The following LIG1 variants were observed in gnomAD, a reference collection of about 807,000 sequenced individuals.
The protein encoded by LIG1 is ligase I, DNA, ATP-dependent.
LIG1 carries 70 observed loss-of-function variants against 115.7 expected under a neutral mutation model. That is an observed-to-expected ratio of 0.60 (90% CI 0.50 to 0.74). LIG1 has a LOEUF of 0.74. LIG1 is among the 30% of genes least tolerant of loss of function. The pLI is 0.00. For missense variants in LIG1, 1,115 were observed against 1,225.6 expected (o/e 0.91, Z 1.35); for synonymous variants, 487 against 495.3 (o/e 0.98, Z 0.22).
At chr19:48,120,557 G>T in intron 24 of LIG1, 1 of 985,026 alleles carries the variant, frequency 1.0e-6, no homozygotes, top group Non-Finnish European at 1.2e-6. Flanking sequence ...ACAGCTTTAA[G>T]AAAAACTTTA....
chr19:48,154,133 C>T, intron 5 of LIG1, 166 bp from the exon 6 acceptor site: 2 of 685,572 alleles, frequency 2.9e-6, no homozygotes, highest in South Asian at 3.0e-5. Flanking sequence ...TCAATCCCTC[C>T]TGCTTCCTGG....
At chr19:48,163,555 T>C (rs2036307127) in intron 2 of LIG1, among the ~76,000 whole-genome samples, 1 of 151,940 alleles carries the variant, frequency 6.6e-6, no homozygotes, top group African/African-American at 2.4e-5. Flanking sequence ...GTTCTGGGCC[T>C]GAGGGGTTTG....
intron 4 of LIG1, among the ~76,000 whole-genome samples, chr19:48,160,836 G>A (rs184010381): frequency 3.3e-5 from 5 of 151,864 alleles, no homozygotes; most frequent in Admixed American, 2.6e-4. Flanking sequence ...GGGCTCAAGC[G>A]ATCCTCCTGC....
At chr19:48,135,114 T>C (rs2034294784) in intron 16 of LIG1, among the ~76,000 whole-genome samples, 1 of 152,190 alleles carries the variant, frequency 6.6e-6, no homozygotes, top group Non-Finnish European at 1.5e-5. Context: ...CTCAGAAACC[T>C]CATGTTGCCG....
intron 19 of LIG1, among the ~76,000 whole-genome samples, chr19:48,130,344 TATTTA>T (rs1162806539): frequency 6.6e-6 from 1 of 152,354 alleles, no homozygotes; most frequent in East Asian, 1.9e-4. Flanking sequence ...ACTTATTTCC[TATTTA>T]ATTAGGGGCA....
intron 16 of LIG1, 61 bp downstream of exon 16, chr19:48,135,619 A>C (rs1599781799): frequency 1.1e-5 from 14 of 1,244,718 alleles, no homozygotes; most frequent in African/African-American, 6.0e-5. Flanking sequence ...CTCTGGCTCC[A>C]CCCCCACCCT....
Position 48,128,221 on chromosome 19 carries a change from C to T in LIG1, c.1822-201G>A, listed in dbSNP as rs891428948. 3.9e-5 allele frequency among the ~76,000 whole-genome samples: 6 copies of T among 152,216 alleles called. No homozygotes were observed. The South Asian group carries it at 1.0e-3, about 26-fold the overall frequency. ...TGTCTCTGAGAATGTAATATTTGGT[C>T]TCACAAGCTGGAAACCTAGGAGCTC... On this transcript the variant is annotated intron_variant, in intron 19 of 27. Transcript: ENST00000263274.
At chr19:48,144,575 C>T (rs934176083) in intron 9 of LIG1, among the ~76,000 whole-genome samples, 4 of 151,162 alleles carry the variant, frequency 2.6e-5, no homozygotes, top group Non-Finnish European at 4.4e-5. Flanking sequence ...GATCTCGGCT[C>T]GCTGCAACCT....
At chr19:48,135,879 G>C (rs527243804) in intron 15 of LIG1, 100 bp from the exon 16 acceptor site, 2 of 1,255,742 alleles carry the variant, frequency 1.6e-6, no homozygotes, top group African/African-American at 2.9e-5. Context: ...TGCAGATGCC[G>C]CGGCCCAAGA....
chr19:48,116,435 G>A (rs1211006727), intron 26 of LIG1, among the ~76,000 whole-genome samples: 4 of 122,100 alleles, frequency 3.3e-5, no homozygotes, highest in Middle Eastern at 5.7e-3. Flanking sequence ...GTGACAGAGC[G>A]AGACTCCAAC....
Position 48,115,878 on chromosome 19 carries a change from C to T in LIG1, c.2671G>A (p.Ala891Thr), listed in dbSNP as rs1600296385. 6.2e-7 allele frequency: 1 copy of T among 1,613,708 alleles called. No individual in the cohort carries two copies. The highest frequency in any genetic ancestry group is 8.5e-7 in the Non-Finnish European group (1 of 1,179,688). The change falls in exon 27 of 28, where the codon GCT becomes ACT. Residue 891 changes from alanine to threonine, a missense_variant. Coordinates refer to ENST00000263274, the MANE Select transcript of LIG1 (RefSeq NM_000234.3). ...CCTGCTTCCCAGGACCTCACCTGAG[C>T]ACTGGTGGTGGCCTGCTCCGGCTGC... ...DKQPEQATTS[A>T]QVACLYRKQS...
intron 11 of LIG1, among the ~76,000 whole-genome samples, chr19:48,142,177 C>A (rs749214595): frequency 1.3e-5 from 2 of 151,994 alleles, no homozygotes; most frequent in African/African-American, 2.4e-5. Context: ...GTGGCTCACA[C>A]CTGTAATCCC....
chr19:48,119,822 C>T (rs1020401193), intron 24 of LIG1, among the ~76,000 whole-genome samples: 6 of 152,158 alleles, frequency 3.9e-5, no homozygotes, highest in African/African-American at 7.2e-5. Context: ...GGATTACAGG[C>T]GTGAGTGGCC....
At chr19:48,128,405 G>A (rs1412500549) in intron 19 of LIG1, among the ~76,000 whole-genome samples, 1 of 152,146 alleles carries the variant, frequency 6.6e-6, no homozygotes, top group Non-Finnish European at 1.5e-5. Context: ...ATAGCAGCCA[G>A]GGTGACACTG....
rs2123020902 is a variant in LIG1, at chr19:48,161,392, G to A, written c.223C>T (p.Leu75Phe). ...CCTACCTGGCCTTTAGCAGGGCTAA[G>A]GGCTTCATCCTCCTCTTCCCCTTCG... ...GSEGEEEDEA[L>F]SPAKGQKPAL... The change falls in exon 4 of 28, where the codon CTT becomes TTT. Residue 75 changes from leucine to phenylalanine, a missense_variant. Physicochemically the swap from Leu to Phe is conservative, Grantham distance 22. Transcript: ENST00000263274. 6.2e-7 allele frequency: 1 copy of A among 1,614,182 alleles called. No homozygotes were observed. Among genetic ancestry groups the A allele is most frequent in the Non-Finnish European group, 8.5e-7 (1 of 1,180,038 alleles).
chr19:48,131,703 T>C (rs3730990), intron 18 of LIG1, among the ~76,000 whole-genome samples: 44,954 of 152,062 alleles, frequency 0.3, 7,835 homozygotes, highest in East Asian at 0.55. Flanking sequence ...CCTCCCAAAG[T>C]GCTGGGATTA....
intron 6 of LIG1, among the ~76,000 whole-genome samples, 199 bp from the exon 7 acceptor site, chr19:48,151,538 T>C (rs1176940871): frequency 2.0e-5 from 3 of 152,104 alleles, no homozygotes; most frequent in African/African-American, 7.2e-5. Flanking sequence ...CATGCGATTC[T>C]CCTGCCTCAG....
chr19:48,143,784 G>C, intron 10 of LIG1, 99 bp downstream of exon 10: 1 of 1,174,382 alleles, frequency 8.5e-7, no homozygotes, highest in South Asian at 1.2e-5. Context: ...ACACAGGAGG[G>C]AGAGACTTGA....
At chr19:48,135,159 T>C (rs576326646) in intron 16 of LIG1, among the ~76,000 whole-genome samples, 1 of 152,202 alleles carries the variant, frequency 6.6e-6, no homozygotes, top group Non-Finnish European at 1.5e-5. Flanking sequence ...CTTTCTTTTT[T>C]TTAAGACAGT....
Sources: gnomAD v4.1 joint callset for allele counts (sites outside exome capture counted in the v4.1 genomes callset) on GRCh38, gnomAD v4.1.1 for gene constraint, MANE v1.5 for transcripts, NCBI Gene and HGNC (gene_info 2026-07-23, HGNC 2026-07-21) for gene names.